SCML1: variants seen among roughly 807,000 people sequenced by gnomAD.
SCML1 encodes sex comb on midleg-like protein 1.
For synonymous variants in SCML1, 104 were observed against 103.6 expected (o/e 1.00, Z -0.02); for missense variants, 137 against 258.1 (o/e 0.53, Z 3.22).
chrX:17,743,086 T>C (rs1406285183), intron 1 of SCML1, among the ~76,000 whole-genome samples: 1 of 112,233 alleles, frequency 8.9e-6, no homozygotes, highest in East Asian at 2.8e-4. Context: ...GTCAGAAAAC[T>C]CAAATAGTTT....
At chrX:17,742,797 A>G (rs930709965) in intron 1 of SCML1, among the ~76,000 whole-genome samples, 3 of 112,520 alleles carry the variant, frequency 2.7e-5, no homozygotes, top group Non-Finnish European at 5.6e-5. Context: ...TTTACAAGAT[A>G]GAACACTAAG....
chrX:17,750,245 A>G lies in SCML1; in HGVS notation c.655A>G (p.Ile219Val). ...LCLGNPRADS[I>V]HNTYSTDHAS... ...CCTTGGCAACCCTCGGGCTGACAGC[A>G]TCCACAACACTTACTCAACTGACCA... The change falls in exon 6 of 8, where the codon ATC becomes GTC. Residue 219 changes from isoleucine to valine, a missense_variant. Ile to Val is a conservative substitution (Grantham distance 29, BLOSUM62 3). Transcript: ENST00000380041. 8.3e-7 allele frequency: 1 copy of G among 1,211,348 alleles called. No homozygotes were observed. Among genetic ancestry groups the G allele is most frequent in the Non-Finnish European group, 1.1e-6 (1 of 895,191 alleles).
chrX:17,753,043 C>T (rs1186019834), intron 7 of SCML1, among the ~76,000 whole-genome samples: 2 of 109,282 alleles, frequency 1.8e-5, no homozygotes, highest in African/African-American at 6.6e-5. Flanking sequence ...TTTCCTTTTT[C>T]TCAGAACTTG....
intron 4 of SCML1, among the ~76,000 whole-genome samples, chrX:17,748,029 A>G (rs1030646649): frequency 9.0e-6 from 1 of 111,151 alleles, no homozygotes; most frequent in Non-Finnish European, 1.9e-5. Context: ...GCTTGTGAAA[A>G]CATAGACCAC....
At chrX:17,753,235 C>T (rs752416596) in intron 7 of SCML1, 23 bp from the exon 8 acceptor site, 8 of 1,097,595 alleles carry the variant, frequency 7.3e-6, no homozygotes, top group Non-Finnish European at 8.4e-6. Context: ...TATTAATTAT[C>T]GTTAAGTTTC....
chrX:17,738,280 C>G (rs1031130927), intron 1 of SCML1, among the ~76,000 whole-genome samples: 1 of 112,339 alleles, frequency 8.9e-6, no homozygotes, highest in African/African-American at 3.2e-5. Flanking sequence ...TGCGAGGGCC[C>G]GGCCCCCTTG....
At chrX:17,751,058 A>G (rs1017825609) in intron 6 of SCML1, among the ~76,000 whole-genome samples, 20 of 112,585 alleles carry the variant, frequency 1.8e-4, no homozygotes, top group African/African-American at 5.8e-4. Flanking sequence ...TTTTTTAAAC[A>G]TATAAACCTT....
chrX:17,745,366 C>A, intron 2 of SCML1, 90 bp from the exon 3 acceptor site: 1 of 529,444 alleles, frequency 1.9e-6, no homozygotes, highest in Non-Finnish European at 3.3e-6. Flanking sequence ...GCCTTTGTAA[C>A]AGCCTCTTGA....
At chrX:17,750,709 T>A (rs188633826) in intron 6 of SCML1, among the ~76,000 whole-genome samples, 87 of 112,251 alleles carry the variant, frequency 7.8e-4, no homozygotes, top group African/African-American at 2.5e-3. Flanking sequence ...ATTGTGCTTT[T>A]CCAAATCTTC....
At chrX:17,749,146 C>T (rs2066677166) in intron 4 of SCML1, among the ~76,000 whole-genome samples, 1 of 112,010 alleles carries the variant, frequency 8.9e-6, no homozygotes, top group South Asian at 3.7e-4. Flanking sequence ...CATTCATTCA[C>T]CAGCATTAGA....
At position 17,753,645 on chromosome X, in the gene SCML1, TA is replaced by T. The variant is rs1253037520; in HGVS notation, c.*254del. 6.2e-6 allele frequency: 1 copy of T among 161,490 alleles called. No individual in the cohort carries two copies. The highest frequency in any genetic ancestry group is 1.2e-5 in the Non-Finnish European group (1 of 86,688). The allele number at this position is 161,490 out of a possible 1,213,427, so 13.3% of individuals were successfully genotyped here. ...ATAGGTCTTTAAAAATTACTTTTAT[TA>T]TATTGTTTACAAATATATTTCATGC... is the stretch of plus-strand genomic sequence containing the variant. On this transcript the variant is annotated 3_prime_UTR_variant, in exon 8 of 8. Transcript: ENST00000380041.
chrX:17,743,164 G>A (rs1363665807), intron 1 of SCML1, among the ~76,000 whole-genome samples: 1 of 112,020 alleles, frequency 8.9e-6, no homozygotes, highest in Non-Finnish European at 1.9e-5. Context: ...ATACTTCTAT[G>A]CAACATTAGT....
intron 7 of SCML1, 108 bp from the exon 8 acceptor site, chrX:17,753,150 G>A: frequency 1.8e-6 from 1 of 550,994 alleles, no homozygotes; most frequent in Non-Finnish European, 2.7e-6. Context: ...ATATACATCT[G>A]CAATGAGCTG....
upstream of SCML1, among the ~76,000 whole-genome samples, chrX:17,737,176 C>A (rs112973120): frequency 0.011 from 1,226 of 110,680 alleles, 25 homozygotes; most frequent in African/African-American, 0.038. Context: ...TTCAATCCTG[C>A]GGGTCTTGCG....
At chrX:17,749,205 G>A (rs2066677996) in intron 4 of SCML1, among the ~76,000 whole-genome samples, 195 bp from the exon 5 acceptor site, 1 of 112,143 alleles carries the variant, frequency 8.9e-6, no homozygotes, top group Admixed American at 9.4e-5. Flanking sequence ...GACTACTCTA[G>A]CTCAGCCTGT....
chrX:17,749,867 G>T (rs750269331), intron 5 of SCML1, 27 bp from the exon 6 acceptor site: 1 of 1,176,302 alleles, frequency 8.5e-7, no homozygotes, highest in Non-Finnish European at 1.1e-6. Flanking sequence ...CTCACTGTTG[G>T]TTTATGCTGT....
At chrX:17,745,247 CTG>C in intron 2 of SCML1, 2 of 337,283 alleles carry the variant, frequency 5.9e-6, no homozygotes, top group Non-Finnish European at 1.0e-5. Flanking sequence ...TCAGTGAAAA[CTG>C]TTGTCTTAAG....
intron 6 of SCML1, 132 bp downstream of exon 6, chrX:17,750,425 AT>A: frequency 1.6e-6 from 1 of 641,567 alleles, no homozygotes; most frequent in Non-Finnish European, 2.3e-6. Context: ...GAAATGCCAT[AT>A]TTACAAGTAG....
chrX:17,740,459 C>T (rs1235220153), intron 1 of SCML1, among the ~76,000 whole-genome samples: 1 of 110,622 alleles, frequency 9.0e-6, no homozygotes, highest in Non-Finnish European at 1.9e-5. Context: ...ATTTAATCCT[C>T]ACGATTCCGT....
Sources: gnomAD v4.1 joint callset for allele counts (sites outside exome capture counted in the v4.1 genomes callset) on GRCh38, gnomAD v4.1.1 for gene constraint, MANE v1.5 for transcripts, NCBI Gene and HGNC (gene_info 2026-07-23, HGNC 2026-07-21) for gene names.